Variants in VWA8 observed in about 807,000 individuals in gnomAD.
VWA8 encodes the protein von Willebrand factor A domain-containing protein 8.
VWA8 carries 221 observed loss-of-function variants against 241.5 expected under a neutral mutation model. The observed-to-expected ratio is 0.91, with a 90% confidence interval of 0.82 to 1.02. The LOEUF is 1.02. Ranked by LOEUF, VWA8 falls within the 50% of genes least tolerant of loss-of-function variation. The pLI is 0.00. For missense variants in VWA8, 2,322 were observed against 2,328.7 expected (o/e 1.00, Z 0.06); for synonymous variants, 852 against 827.1 (o/e 1.03, Z -0.52).
intron 26 of VWA8, among the ~76,000 whole-genome samples, chr13:41,704,047 A>C (rs141428697): frequency 1.1e-3 from 163 of 152,344 alleles, no homozygotes; most frequent in African/African-American, 3.7e-3. Context: ...GGCATGAGCC[A>C]CCGTGCCCAG....
intron 37 of VWA8, among the ~76,000 whole-genome samples, chr13:41,655,800 G>A (rs1273001324): frequency 6.6e-6 from 1 of 152,196 alleles, no homozygotes; most frequent in Non-Finnish European, 1.5e-5. Flanking sequence ...ATATAAATAA[G>A]TATTGAAAAT....
chr13:41,705,809 T>C (rs1015737564), intron 26 of VWA8, among the ~76,000 whole-genome samples: 1 of 152,122 alleles, frequency 6.6e-6, no homozygotes, highest in African/African-American at 2.4e-5. Flanking sequence ...ACTGGTAAGT[T>C]TTATAGTCTT....
At chr13:41,787,112 T>C (rs1240949106) in intron 18 of VWA8, among the ~76,000 whole-genome samples, 3 of 149,206 alleles carry the variant, frequency 2.0e-5, no homozygotes, top group Non-Finnish European at 4.4e-5. Context: ...GTGAAATACA[T>C]TTGGAAAAAG....
chr13:41,652,218 C>T lies in VWA8; in HGVS notation c.4611+18728G>A, dbSNP rs543677487. 1.6e-4 allele frequency among the ~76,000 whole-genome samples: 24 copies of T among 152,284 alleles called. No individual in the cohort carries two copies. In the South Asian group the frequency reaches 4.4e-3, roughly 28 times the overall value. ...TAGTCTAAATTCTACTAAGCAGAGA[C>T]ATCTGTTTTCTTCTCTAAGGGCACA... is the stretch of plus-strand genomic sequence containing the variant. On this transcript the variant is annotated intron_variant, in intron 37 of 44. Coordinates refer to ENST00000379310, the MANE Select transcript of VWA8 (RefSeq NM_015058.2).
intron 20 of VWA8, among the ~76,000 whole-genome samples, chr13:41,763,290 A>AAAATAAATAAAT (rs59623577): frequency 0.064 from 8,979 of 139,324 alleles, 379 homozygotes; most frequent in East Asian, 0.15. Context: ...TCCACCTGTA[A>AAAATAAATAAAT]AAATAAATAA....
At position 41,902,932 on chromosome 13, in the gene VWA8, C is replaced by T. The variant is rs188659371; in HGVS notation, c.483+4654G>A. 7.1e-4 allele frequency among the ~76,000 whole-genome samples: 108 copies of T among 152,190 alleles called. 1 individual carries two copies. Among genetic ancestry groups the T allele is most frequent in the Admixed American group, 1.6e-3 (25 of 15,294 alleles). On this transcript the variant is annotated intron_variant, in intron 4 of 44. Transcript: ENST00000379310. ...GAAAATCCCAAACTTTCTCCCAATACCCACCAGAGAGCCACAGGTACTTTT... is the reference window on the plus strand; with the variant it reads ...GAAAATCCCAAACTTTCTCCCAATATCCACCAGAGAGCCACAGGTACTTTT...
At position 41,639,359 on chromosome 13, in the gene VWA8, T is replaced by C. The variant is rs2139680238; in HGVS notation, c.4612-24275A>G. Among the ~76,000 whole-genome samples, 4 of 152,336 alleles carry C rather than the reference T, an allele frequency of 2.6e-5. No individual in the cohort carries two copies. In the South Asian group the frequency reaches 8.3e-4, roughly 32 times the overall value. On this transcript the variant is annotated intron_variant, in intron 37 of 44. Coordinates refer to ENST00000379310, the MANE Select transcript of VWA8 (RefSeq NM_015058.2). ...TATTTGAACACAAGGAAAGCCATTC[T>C]GCACATACCACCTCCCAGAAGTTGT...
intron 34 of VWA8, among the ~76,000 whole-genome samples, chr13:41,685,580 A>C (rs2045130986): frequency 6.6e-6 from 1 of 152,152 alleles, no homozygotes; most frequent in Non-Finnish European, 1.5e-5. Context: ...ACAAAAAATA[A>C]ATAAAGTCAT....
At chr13:41,696,267 TATAACTC>T (rs1411336608) in intron 29 of VWA8, 1 of 152,176 alleles carries the variant, frequency 6.6e-6, no homozygotes, top group Non-Finnish European at 1.5e-5. Flanking sequence ...GAAAAATACT[TATAACTC>T]AGAATTTGTG....
intron 26 of VWA8, 128 bp from the exon 27 acceptor site, chr13:41,703,539 A>T (rs9315858): frequency 0.29 from 194,801 of 680,268 alleles, 29,516 homozygotes; most frequent in African/African-American, 0.45. Flanking sequence ...TGAGTTATAC[A>T]TCATTTTATT....
chr13:41,757,298 TA>T (rs1437173553), intron 21 of VWA8, among the ~76,000 whole-genome samples: 38 of 151,912 alleles, frequency 2.5e-4, no homozygotes, highest in African/African-American at 9.2e-4. Context: ...GACAAATACT[TA>T]AAAATTTTTT....
chr13:41,629,857 G>C (rs1334748542), intron 37 of VWA8, among the ~76,000 whole-genome samples: 2 of 152,086 alleles, frequency 1.3e-5, no homozygotes, highest in African/African-American at 4.8e-5. Flanking sequence ...TTCTTCCTTG[G>C]CTTGGTGGTA....
At chr13:41,871,890 C>G (rs4603446) in intron 9 of VWA8, among the ~76,000 whole-genome samples, 1 of 152,052 alleles carries the variant, frequency 6.6e-6, no homozygotes. Flanking sequence ...CACTGACTTC[C>G]ACAATGGTTG....
Position 41,699,118 on chromosome 13 carries a change from G to A in VWA8, c.3517C>T (p.Pro1173Ser). 6.2e-7 allele frequency: 1 copy of A among 1,614,006 alleles called. No homozygotes were observed. Among genetic ancestry groups the A allele is most frequent in the Non-Finnish European group, 8.5e-7 (1 of 1,179,944 alleles). Residue 1173 changes from proline to serine, a missense_variant, in exon 29 of 45, where the codon CCG becomes TCG. Transcript: ENST00000379310. ...TGACCTTTGAGAGGACTTCCCAGCG[G>A]TGCCACTGTCACAAAAGGGTGCCAA... The part of the protein sequence containing the change: ...GVWHPFVTVA[P>S]LGSPLKGQVV...
intron 12 of VWA8, among the ~76,000 whole-genome samples, chr13:41,857,314 T>C (rs1872795535): frequency 1.3e-5 from 2 of 152,208 alleles, no homozygotes; most frequent in African/African-American, 2.4e-5. Context: ...ACAGTTACAA[T>C]GATGACTTAC....
chr13:41,935,254 G>A (rs1413401671), intron 2 of VWA8, among the ~76,000 whole-genome samples: 1 of 152,038 alleles, frequency 6.6e-6, no homozygotes. Flanking sequence ...TTATGTATTA[G>A]GCATTGCTAA....
chr13:41,666,497 T>G (rs1033697533), intron 37 of VWA8, among the ~76,000 whole-genome samples: 2 of 152,310 alleles, frequency 1.3e-5, no homozygotes, highest in Middle Eastern at 3.4e-3. Flanking sequence ...GCAAGTGGCA[T>G]GATAGAGCTA....
intron 37 of VWA8, among the ~76,000 whole-genome samples, chr13:41,653,106 G>C (rs1381557570): frequency 6.6e-6 from 1 of 152,130 alleles, no homozygotes; most frequent in East Asian, 1.9e-4. Context: ...TTAGGTCCTA[G>C]CCATTGCACA....
intron 18 of VWA8, among the ~76,000 whole-genome samples, chr13:41,784,741 T>TATATATATATATATACACAC (rs1869098472): frequency 1.5e-5 from 1 of 67,446 alleles, no homozygotes; most frequent in African/African-American, 4.8e-5. Flanking sequence ...CACACACATA[T>TATATATATATATATACACAC]ATATATATAT....
Sources: allele counts gnomAD v4.1 joint callset (sites outside exome capture counted in the v4.1 genomes callset), GRCh38; gene constraint gnomAD v4.1.1; transcripts MANE v1.5; gene names NCBI Gene and HGNC (gene_info 2026-07-23, HGNC 2026-07-21).